SCHIP1: variants seen among roughly 807,000 people sequenced by gnomAD.
SCHIP1 encodes the protein schwannomin interacting protein 1, also known as schwannomin-interacting protein 1.
A neutral mutation model predicts 29.7 loss-of-function variants in SCHIP1; 8 were observed. That is an observed-to-expected ratio of 0.27 (90% CI 0.16 to 0.49). The LOEUF is 0.49. Among genes scored for constraint, SCHIP1 ranks in the 20% least tolerant of loss-of-function variants. The pLI is 0.99. For missense variants in SCHIP1, 193 were observed against 294.6 expected (o/e 0.66, Z 2.52); for synonymous variants, 76 against 94.9 (o/e 0.80, Z 1.16).
the SCHIP1 span, among the ~76,000 whole-genome samples, chr3:159,458,027 TTAA>T: frequency 6.6e-6 from 1 of 152,186 alleles, no homozygotes; most frequent in Non-Finnish European, 1.5e-5. Context: ...GGCTTAGCAA[TTAA>T]TAAAACTTTT....
chr3:159,791,659 G>A, the SCHIP1 span, among the ~76,000 whole-genome samples: 2 of 152,222 alleles, frequency 1.3e-5, no homozygotes, highest in African/African-American at 4.8e-5. Flanking sequence ...AGGAGCCTGG[G>A]AAACATCCTT....
intron 3 of SCHIP1, chr3:159,887,026 C>T (rs1175393257): frequency 6.5e-6 from 1 of 152,818 alleles, no homozygotes; most frequent in Non-Finnish European, 1.5e-5. Flanking sequence ...CCTGCCACGA[C>T]ACATGGGAAT....
the SCHIP1 span, among the ~76,000 whole-genome samples, chr3:159,312,989 CT>C: frequency 2.0e-5 from 3 of 152,146 alleles, no homozygotes; most frequent in African/African-American, 7.2e-5. Context: ...CATATCCTTT[CT>C]TTTTTGCTAT....
At chr3:159,645,660 C>A in the SCHIP1 span, among the ~76,000 whole-genome samples, 1 of 152,168 alleles carries the variant, frequency 6.6e-6, no homozygotes, top group Non-Finnish European at 1.5e-5. Flanking sequence ...AGTGAGGGAG[C>A]CATTGCCATC....
chr3:159,402,740 A>G, the SCHIP1 span, among the ~76,000 whole-genome samples: 7 of 152,088 alleles, frequency 4.6e-5, no homozygotes, highest in African/African-American at 1.2e-4. Flanking sequence ...ATGAGAACAC[A>G]TGGACACAGG....
At chr3:159,888,580 T>G (rs1018917621) in intron 4 of SCHIP1, 4 of 411,036 alleles carry the variant, frequency 9.7e-6, no homozygotes, top group Non-Finnish European at 1.7e-5. Context: ...ACAACCCATA[T>G]TAAAGACGAG....
chr3:159,716,788 C>T, the SCHIP1 span, among the ~76,000 whole-genome samples: 40 of 152,148 alleles, frequency 2.6e-4, no homozygotes, highest in East Asian at 5.8e-4. Context: ...ACAATAATAA[C>T]GGGAGACTTT....
At chr3:159,576,112 G>C in the SCHIP1 span, among the ~76,000 whole-genome samples, 184 of 152,196 alleles carry the variant, frequency 1.2e-3, 1 homozygote, top group African/African-American at 4.1e-3. Context: ...AGAGGATTTT[G>C]AATGTTTATA....
At chr3:159,820,020 C>T in the SCHIP1 span, among the ~76,000 whole-genome samples, 1 of 152,178 alleles carries the variant, frequency 6.6e-6, no homozygotes, top group African/African-American at 2.4e-5. Flanking sequence ...GCCAGTTGAT[C>T]TTGGTTGGGA....
the SCHIP1 span, among the ~76,000 whole-genome samples, chr3:159,500,073 A>G: frequency 0.45 from 67,621 of 151,744 alleles, 15,905 homozygotes; most frequent in East Asian, 0.69. Flanking sequence ...AGTAGAACTG[A>G]AATATTGAAG....
the SCHIP1 span, chr3:159,765,233 C>A: frequency 2.9e-6 from 4 of 1,368,214 alleles, no homozygotes; most frequent in Non-Finnish European, 3.9e-6. Flanking sequence ...CGCCCGCCCG[C>A]GGCCCCATTC....
the SCHIP1 span, among the ~76,000 whole-genome samples, chr3:159,479,088 G>T: frequency 4.6e-5 from 7 of 151,884 alleles, no homozygotes; most frequent in Non-Finnish European, 8.8e-5. Context: ...ATTTACAAAG[G>T]TTTAAAAAGG....
the SCHIP1 span, among the ~76,000 whole-genome samples, chr3:159,407,974 G>C: frequency 6.6e-6 from 1 of 152,068 alleles, no homozygotes; most frequent in Non-Finnish European, 1.5e-5. Flanking sequence ...CAAAGAACTA[G>C]AAAAGCAAGA....
At chr3:159,774,999 T>C in the SCHIP1 span, among the ~76,000 whole-genome samples, 1 of 152,208 alleles carries the variant, frequency 6.6e-6, no homozygotes, top group Non-Finnish European at 1.5e-5. Context: ...GTATTTATGG[T>C]TCATGAAAGT....
At chr3:159,574,907 A>C in the SCHIP1 span, among the ~76,000 whole-genome samples, 1 of 152,238 alleles carries the variant, frequency 6.6e-6, no homozygotes, top group Non-Finnish European at 1.5e-5. Flanking sequence ...GGGACCTGCC[A>C]AGACAGGCAT....
the SCHIP1 span, among the ~76,000 whole-genome samples, chr3:159,680,353 A>G: frequency 6.7e-6 from 1 of 150,234 alleles, no homozygotes; most frequent in African/African-American, 2.5e-5. Context: ...TACTAAAAAT[A>G]CAAAAATTAG....
At chr3:159,814,677 G>T in the SCHIP1 span, among the ~76,000 whole-genome samples, 1 of 152,218 alleles carries the variant, frequency 6.6e-6, no homozygotes, top group African/African-American at 2.4e-5. Flanking sequence ...TAAAGTGGGT[G>T]TGTAGCCCAG....
chr3:159,803,056 C>T, the SCHIP1 span, among the ~76,000 whole-genome samples: 1 of 152,166 alleles, frequency 6.6e-6, no homozygotes, highest in Non-Finnish European at 1.5e-5. Flanking sequence ...CGTGACACCT[C>T]TGCTTAAATT....
chr3:159,468,158 T>G, the SCHIP1 span, among the ~76,000 whole-genome samples: 5 of 152,146 alleles, frequency 3.3e-5, no homozygotes, highest in Admixed American at 3.3e-4. Flanking sequence ...AATGATTCTG[T>G]CCTGTTGAAT....
Sources: gnomAD v4.1 joint callset for allele counts (sites outside exome capture counted in the v4.1 genomes callset) on GRCh38, gnomAD v4.1.1 for gene constraint, MANE v1.5 for transcripts, NCBI Gene and HGNC (gene_info 2026-07-23, HGNC 2026-07-21) for gene names.